Variants in IL1RAPL2 observed in about 807,000 individuals in gnomAD.
IL1RAPL2 encodes X-linked interleukin-1 receptor accessory protein-like 2.
Under a neutral mutation model 44.1 loss-of-function variants are expected in IL1RAPL2, and 3 were observed. That is an observed-to-expected ratio of 0.07 (90% CI 0.03 to 0.18). The LOEUF (loss-of-function observed/expected upper bound fraction) is 0.18. Ranked by LOEUF, IL1RAPL2 falls within the 10% of genes least tolerant of loss-of-function variation. The pLI, the probability that IL1RAPL2 is intolerant of heterozygous loss-of-function variation, is 1.00. For synonymous variants in IL1RAPL2, 181 were observed against 178.8 expected (o/e 1.01, Z -0.10); for missense variants, 391 against 496.4 (o/e 0.79, Z 2.02).
intron 2 of IL1RAPL2, among the ~76,000 whole-genome samples, chrX:104,972,343 A>G (rs1276419999): frequency 8.9e-6 from 1 of 111,748 alleles, no homozygotes; most frequent in Non-Finnish European, 1.9e-5. Context: ...TGCAAAAGAT[A>G]GAATCATTAG....
At chrX:104,965,670 A>G (rs2030106700) in intron 2 of IL1RAPL2, among the ~76,000 whole-genome samples, 1 of 112,055 alleles carries the variant, frequency 8.9e-6, no homozygotes, top group South Asian at 3.7e-4. Context: ...TATTAGATTT[A>G]ACATTTATAT....
At chrX:105,363,307 TAA>T (rs1491382232) in intron 5 of IL1RAPL2, among the ~76,000 whole-genome samples, 13 of 71,955 alleles carry the variant, frequency 1.8e-4, no homozygotes, top group African/African-American at 3.9e-4. Flanking sequence ...TATATATATA[TAA>T]TATATATATA....
At chrX:104,861,911 G>T (rs1228176275) in intron 2 of IL1RAPL2, among the ~76,000 whole-genome samples, 3 of 111,254 alleles carry the variant, frequency 2.7e-5, no homozygotes, top group Admixed American at 9.6e-5. Context: ...CAAATACAGA[G>T]GGTCAACTGT....
chrX:105,176,064 T>A (rs2033470860), intron 2 of IL1RAPL2, among the ~76,000 whole-genome samples: 1 of 110,967 alleles, frequency 9.0e-6, no homozygotes, highest in Non-Finnish European at 1.9e-5. Flanking sequence ...TAAAGCGTAA[T>A]AGAAACTTTC....
chrX:104,677,391 C>T (rs778537994), intron 2 of IL1RAPL2, among the ~76,000 whole-genome samples: 2 of 110,903 alleles, frequency 1.8e-5, no homozygotes, highest in South Asian at 3.9e-4. Context: ...TGGGGGGTGC[C>T]TCCCAGTTAG....
intron 2 of IL1RAPL2, among the ~76,000 whole-genome samples, chrX:104,905,911 T>C (rs1280167346): frequency 9.9e-5 from 11 of 110,558 alleles, no homozygotes; most frequent in Non-Finnish European, 1.3e-4. Context: ...GCCATTTTCA[T>C]GATATTGATT....
intron 2 of IL1RAPL2, among the ~76,000 whole-genome samples, chrX:104,809,296 T>C (rs901614801): frequency 9.0e-6 from 1 of 111,655 alleles, no homozygotes; most frequent in Non-Finnish European, 1.9e-5. Flanking sequence ...CCTGAGGAAT[T>C]GCCACACTGA....
intron 5 of IL1RAPL2, among the ~76,000 whole-genome samples, chrX:105,284,297 A>T (rs1468346470): frequency 5.4e-5 from 6 of 112,015 alleles, no homozygotes; most frequent in Admixed American, 1.9e-4. Flanking sequence ...GTGACTCTAC[A>T]TTTCCTTTTG....
intron 2 of IL1RAPL2, among the ~76,000 whole-genome samples, chrX:104,762,026 C>G (rs917943001): frequency 2.9e-5 from 3 of 103,774 alleles, no homozygotes; most frequent in Non-Finnish European, 2.0e-5. Context: ...GAGACAGAGT[C>G]TCACTCTGTC....
At chrX:105,198,383 T>G (rs1375986432) in intron 3 of IL1RAPL2, among the ~76,000 whole-genome samples, 2 of 112,028 alleles carry the variant, frequency 1.8e-5, no homozygotes, top group African/African-American at 6.5e-5. Context: ...TTGTTTCCAG[T>G]ATTTTGTCCC....
intron 1 of IL1RAPL2, among the ~76,000 whole-genome samples, chrX:104,628,091 G>A (rs1347670395): frequency 1.8e-5 from 2 of 110,758 alleles, no homozygotes; most frequent in African/African-American, 6.5e-5. Flanking sequence ...TATGTATGGG[G>A]TACATGTGAT....
intron 5 of IL1RAPL2, among the ~76,000 whole-genome samples, chrX:105,449,520 C>T (rs1228377521): frequency 9.3e-6 from 1 of 107,856 alleles, no homozygotes; most frequent in African/African-American, 3.4e-5. Flanking sequence ...GGAGGCGGAG[C>T]TTGCAGTGAG....
At chrX:104,794,218 A>G (rs1318902210) in intron 2 of IL1RAPL2, among the ~76,000 whole-genome samples, 1 of 112,068 alleles carries the variant, frequency 8.9e-6, no homozygotes, top group African/African-American at 3.2e-5. Flanking sequence ...AGGAGGTCAC[A>G]TGGAAGTGCC....
At chrX:104,902,167 T>C (rs749299328) in intron 2 of IL1RAPL2, among the ~76,000 whole-genome samples, 3 of 112,039 alleles carry the variant, frequency 2.7e-5, no homozygotes, top group African/African-American at 6.5e-5. Context: ...GGAAGTAAAG[T>C]AGCTTCTTTT....
intron 7 of IL1RAPL2, among the ~76,000 whole-genome samples, chrX:105,740,105 A>G (rs902555974): frequency 9.1e-6 from 1 of 109,485 alleles, no homozygotes; most frequent in Non-Finnish European, 1.9e-5. Flanking sequence ...GCCAGTGATG[A>G]TGGGCAGTTT....
At chrX:105,511,868 G>GTT (rs1214785568) in intron 6 of IL1RAPL2, among the ~76,000 whole-genome samples, 1 of 111,196 alleles carries the variant, frequency 9.0e-6, no homozygotes, top group Non-Finnish European at 1.9e-5. Flanking sequence ...AATATTTTGT[G>GTT]TTTTTTAAAT....
intron 2 of IL1RAPL2, among the ~76,000 whole-genome samples, chrX:104,683,053 C>T (rs182182714): frequency 3.3e-4 from 37 of 111,313 alleles, no homozygotes; most frequent in African/African-American, 8.5e-4. Context: ...AAGAAGGGAC[C>T]GGATCTATGG....
chrX:105,069,913 C>T (rs1032099954), intron 2 of IL1RAPL2, among the ~76,000 whole-genome samples: 1 of 112,126 alleles, frequency 8.9e-6, no homozygotes, highest in African/African-American at 3.2e-5. Context: ...GCCCCAGCTC[C>T]TTGGTCCCTT....
chrX:104,901,199 CTTTTTTTTTTTTT>C (rs1194148816), intron 2 of IL1RAPL2, among the ~76,000 whole-genome samples: 11 of 32,118 alleles, frequency 3.4e-4, no homozygotes, highest in Admixed American at 1.8e-3. Context: ...TCTTTTGCTT[CTTTTTTTTTTTTT>C]TTTTTTTTTT....
Sources: allele counts gnomAD v4.1 joint callset (sites outside exome capture counted in the v4.1 genomes callset), GRCh38; gene constraint gnomAD v4.1.1; transcripts MANE v1.5; gene names NCBI Gene and HGNC (gene_info 2026-07-23, HGNC 2026-07-21).